FRY: variants seen among roughly 807,000 people sequenced by gnomAD.
FRY encodes protein furry homolog.
A neutral mutation model predicts 348.4 loss-of-function variants in FRY; 128 were observed. The observed-to-expected ratio is 0.37, with a 90% CI of 0.32 to 0.43. The LOEUF is 0.43. FRY is among the 20% of genes least tolerant of loss of function. The probability of loss-of-function intolerance (pLI) is 1.00; values close to 1 mark genes in which losing one functional copy is unlikely to be tolerated. For synonymous variants in FRY, 1,370 were observed against 1,374.7 expected, an observed-to-expected ratio of 1.00 and a Z score of 0.08; for missense variants, 2,736 against 3,695.2, an observed-to-expected ratio of 0.74 and a Z score of 6.73.
chr13:32,285,114 G>C (rs1008827689), intron 58 of FRY, among the ~76,000 whole-genome samples: 1 of 152,058 alleles, frequency 6.6e-6, no homozygotes, highest in African/African-American at 2.4e-5. Context: ...GAAAATCCTC[G>C]TGACTAAATA....
chr13:32,092,437 C>T (rs1171557222), intron 2 of FRY, among the ~76,000 whole-genome samples: 2 of 152,166 alleles, frequency 1.3e-5, no homozygotes, highest in African/African-American at 4.8e-5. Context: ...AGATGTAATT[C>T]GTGTACACCA....
intron 31 of FRY, among the ~76,000 whole-genome samples, chr13:32,202,932 G>C (rs1396043241): frequency 8.4e-6 from 1 of 118,484 alleles, no homozygotes; most frequent in Admixed American, 8.6e-5. Context: ...CTGGGCAACA[G>C]AGTGAGACAG....
intron 1 of FRY, among the ~76,000 whole-genome samples, chr13:32,067,830 C>A (rs777540720): frequency 1.3e-5 from 2 of 152,160 alleles, no homozygotes; most frequent in Non-Finnish European, 2.9e-5. Context: ...ATTTTACCTA[C>A]AAAATGTTAA....
Position 32,047,585 on chromosome 13 carries a change from G to GC in FRY, c.70+15720_70+15721insC, listed in dbSNP as rs892961503. ...TTCTTTTCTTTTCTTTTTTTTTGGG[G>GC]GGGGTGCAGAGTTTCACTCTTGTTG... On this transcript the variant is annotated intron_variant, in intron 1 of 60. Transcript: ENST00000542859. 5.4e-5 allele frequency among the ~76,000 whole-genome samples: 8 copies of GC among 148,956 alleles called. 1 individual carries two copies. Among genetic ancestry groups the GC allele is most frequent in the Admixed American group, 2.7e-4 (4 of 14,876 alleles).
intron 4 of FRY, among the ~76,000 whole-genome samples, chr13:32,118,338 T>C (rs558756552): frequency 1.6e-4 from 25 of 152,334 alleles, no homozygotes; most frequent in Non-Finnish European, 2.2e-4. Context: ...CTGAAATTAA[T>C]CAACCAGAAA....
intron 16 of FRY, among the ~76,000 whole-genome samples, chr13:32,159,386 G>T (rs974876049): frequency 6.6e-6 from 1 of 152,150 alleles, no homozygotes; most frequent in African/African-American, 2.4e-5. Flanking sequence ...CCTACGCAGG[G>T]TAAGAACTTG....
chr13:32,193,851 G>A (rs1425961049), intron 28 of FRY, among the ~76,000 whole-genome samples: 1 of 151,800 alleles, frequency 6.6e-6, no homozygotes, highest in Non-Finnish European at 1.5e-5. Flanking sequence ...GCCTCCCAAA[G>A]TGCTGGGATT....
chr13:32,170,864 T>C (rs939131172), intron 17 of FRY, 148 bp from the exon 18 acceptor site: 2 of 665,824 alleles, frequency 3.0e-6, no homozygotes, highest in Non-Finnish European at 5.3e-6. Context: ...AAGGTATTTA[T>C]GTAAGTCATT....
chr13:32,065,420 C>A (rs1465744931), intron 1 of FRY, among the ~76,000 whole-genome samples: 1 of 151,672 alleles, frequency 6.6e-6, no homozygotes, highest in East Asian at 1.9e-4. Context: ...GTTCTCATGC[C>A]TCAGCCTCCT....
chr13:32,129,105 GT>G (rs1267837621), intron 7 of FRY, among the ~76,000 whole-genome samples: 4 of 152,160 alleles, frequency 2.6e-5, no homozygotes, highest in Non-Finnish European at 4.4e-5. Flanking sequence ...TCCCAGTCAT[GT>G]TGGAGTCCTT....
intron 2 of FRY, among the ~76,000 whole-genome samples, chr13:32,089,959 G>A (rs1270440315): frequency 6.6e-6 from 1 of 152,162 alleles, no homozygotes; most frequent in African/African-American, 2.4e-5. Context: ...AGAAAGGCCA[G>A]ATTGCAAGTA....
In FRY at chr13:32,146,808, C is replaced by G. The variant is rs116017432; in HGVS notation, c.1180-474C>G. Among the ~76,000 whole-genome samples the G allele has an allele frequency of 2.9e-3, 437 of 152,284 alleles. 2 individuals carry two copies. The highest frequency in any genetic ancestry group is 9.8e-3 in the African/African-American group (409 of 41,556). On this transcript the variant is annotated intron_variant, in intron 11 of 60. Transcript: ENST00000542859. Reference sequence around the variant, plus strand: ...AGGATTATCTTTTATCTCTGCATCTCAGGTTCTAGCACAGTACCTAGTACA... The same window carrying G: ...AGGATTATCTTTTATCTCTGCATCTGAGGTTCTAGCACAGTACCTAGTACA...
intron 2 of FRY, among the ~76,000 whole-genome samples, chr13:32,096,096 T>A (rs1876685989): frequency 6.6e-6 from 1 of 152,052 alleles, no homozygotes; most frequent in South Asian, 2.1e-4. Context: ...TTTCCCTTTC[T>A]CCCTTTCTTC....
At chr13:32,270,545 T>A (rs1888151781) in intron 55 of FRY, among the ~76,000 whole-genome samples, 1 of 152,350 alleles carries the variant, frequency 6.6e-6, no homozygotes, top group South Asian at 2.1e-4. Context: ...ATAATATATA[T>A]TTAAGTTTGG....
intron 2 of FRY, among the ~76,000 whole-genome samples, chr13:32,097,226 T>C (rs778428800): frequency 6.6e-6 from 1 of 152,142 alleles, no homozygotes; most frequent in Non-Finnish European, 1.5e-5. Flanking sequence ...TGAGTTGTTG[T>C]AGGGGTCTAC....
chr13:32,165,237 T>C (rs1593686919), intron 17 of FRY, among the ~76,000 whole-genome samples: 1 of 152,250 alleles, frequency 6.6e-6, no homozygotes, highest in East Asian at 1.9e-4. Flanking sequence ...AGATAATGCA[T>C]ACACAGATTC....
chr13:32,148,032 A>C (rs1344155855), intron 13 of FRY, 85 bp downstream of exon 13: 3 of 821,346 alleles, frequency 3.7e-6, no homozygotes, highest in Non-Finnish European at 6.6e-6. Context: ...AAAAGACGGA[A>C]AGTCTAAATT....
intron 23 of FRY, among the ~76,000 whole-genome samples, chr13:32,182,661 G>T (rs899388865): frequency 9.2e-5 from 14 of 152,094 alleles, no homozygotes; most frequent in African/African-American, 3.1e-4. Context: ...TTCACATAGG[G>T]TTTTGTTTTT....
intron 11 of FRY, among the ~76,000 whole-genome samples, chr13:32,138,411 G>A (rs775531032): frequency 3.9e-5 from 6 of 152,062 alleles, no homozygotes; most frequent in Non-Finnish European, 7.4e-5. Context: ...ATCTATTGCT[G>A]TGGCCACAGA....
Sources: gnomAD v4.1 joint callset for allele counts (sites outside exome capture counted in the v4.1 genomes callset) on GRCh38, gnomAD v4.1.1 for gene constraint, MANE v1.5 for transcripts, NCBI Gene and HGNC (gene_info 2026-07-23, HGNC 2026-07-21) for gene names.